Variants in AZGP1 observed in about 807,000 individuals in gnomAD.
AZGP1 encodes the protein alpha-2-glycoprotein 1, zinc-binding, also known as zinc-alpha-2-glycoprotein.
Under a neutral mutation model 31.5 loss-of-function variants are expected in AZGP1, and 28 were observed. That is an observed-to-expected ratio of 0.89 (90% CI 0.66 to 1.22). The LOEUF (loss-of-function observed/expected upper bound fraction) is 1.22, where lower values mean the gene tolerates loss of function less well. Among genes scored for constraint, AZGP1 ranks in the 50% most tolerant of loss-of-function variants. AZGP1 has a pLI of 0.00. For missense variants in AZGP1, 361 were observed against 371.8 expected (o/e 0.97, Z 0.24); for synonymous variants, 135 against 145.4 (o/e 0.93, Z 0.51).
Position 99,967,072 on chromosome 7 carries a change from G to C in AZGP1, c.828C>G (p.Ala276=), listed in dbSNP as rs766127737. 1 of 1,614,206 alleles carries C rather than the reference G, an allele frequency of 6.2e-7. No individual in the cohort carries two copies. The highest frequency in any genetic ancestry group is 1.1e-5 in the South Asian group (1 of 91,084). The change falls in exon 4 of 4, where the codon GCC becomes GCG. Residue 276 remains alanine, a synonymous_variant. Transcript: ENST00000292401. The part of the protein sequence containing the change: ...VVVAVPPQDT[A]PYSCHVQHSS... The stretch of plus-strand genomic sequence containing the variant: ...TGTGCTGCACGTGGCAGGAGTAGGG[G>C]GCTGTGTCCTGCGGGGGCACTGCCA...
chr7:99,971,721 C>T (rs374611774), intron 2 of AZGP1, 25 bp downstream of exon 2: 1 of 1,607,068 alleles, frequency 6.2e-7, no homozygotes, highest in South Asian at 1.1e-5. Flanking sequence ...AGACCTTCCA[C>T]CCCTGTGGTC....
At chr7:99,971,569 G>A (rs536801004) in intron 2 of AZGP1, 177 bp downstream of exon 2, 21 of 736,872 alleles carry the variant, frequency 2.8e-5, no homozygotes, top group African/African-American at 1.8e-4. Flanking sequence ...ATGGGGAAGC[G>A]GGGAGCACCT....
Sources: allele counts gnomAD v4.1 joint callset, GRCh38; gene constraint gnomAD v4.1.1; transcripts MANE v1.5; gene names NCBI Gene and HGNC (gene_info 2026-07-23, HGNC 2026-07-21).